CIMIP2A: variants seen among roughly 807,000 people sequenced by gnomAD.
CIMIP2A encodes the protein family with sequence similarity 166 member A.
At chr9:137,245,338 G>C in the CIMIP2A span, 3 of 1,600,786 alleles carry the variant, frequency 1.9e-6, no homozygotes, top group Non-Finnish European at 2.6e-6. Flanking sequence ...GCAAACAGGA[G>C]TGGCGCTCTT....
At chr9:137,254,477 T>C in the CIMIP2A span, among the ~76,000 whole-genome samples, 1 of 152,168 alleles carries the variant, frequency 6.6e-6, no homozygotes, top group Non-Finnish European at 1.5e-5. Context: ...GCAGGAAAGA[T>C]GGAGCGATCT....
the CIMIP2A span, among the ~76,000 whole-genome samples, chr9:137,249,789 C>T: frequency 6.6e-6 from 1 of 152,230 alleles, no homozygotes; most frequent in African/African-American, 2.4e-5. Context: ...TCTCTCTACG[C>T]TTCTTCATTG....
chr9:137,245,082 C>T, the CIMIP2A span: 2 of 1,610,642 alleles, frequency 1.2e-6, no homozygotes, highest in Non-Finnish European at 8.5e-7. Context: ...CCCAGGCCCA[C>T]ACCCACCTGA....
At chr9:137,252,648 C>T in the CIMIP2A span, 1 of 1,535,962 alleles carries the variant, frequency 6.5e-7, no homozygotes, top group South Asian at 1.2e-5. Flanking sequence ...AGCCCGTCTC[C>T]TACCCCCTCG....
At chr9:137,254,578 G>C in the CIMIP2A span, among the ~76,000 whole-genome samples, 4 of 152,244 alleles carry the variant, frequency 2.6e-5, no homozygotes, top group Non-Finnish European at 5.9e-5. Flanking sequence ...TGGGCAGCGG[G>C]AAAGAAATTT....
chr9:137,244,703 A>T, the CIMIP2A span: 1 of 1,613,562 alleles, frequency 6.2e-7, no homozygotes, highest in East Asian at 2.2e-5. Flanking sequence ...CAACCCCATT[A>T]CCCAGGTGAA....
At chr9:137,254,037 C>T in the CIMIP2A span, among the ~76,000 whole-genome samples, 1 of 152,218 alleles carries the variant, frequency 6.6e-6, no homozygotes, top group Non-Finnish European at 1.5e-5. Flanking sequence ...CATCACTGGC[C>T]TGCCCTCCTA....
chr9:137,254,415 C>A, the CIMIP2A span, among the ~76,000 whole-genome samples: 1 of 152,158 alleles, frequency 6.6e-6, no homozygotes, highest in Admixed American at 6.5e-5. Flanking sequence ...GCTCTGCTCA[C>A]GGCTGCACCA....
the CIMIP2A span, chr9:137,251,531 G>A: frequency 1.1e-6 from 1 of 944,594 alleles, no homozygotes; most frequent in Non-Finnish European, 1.6e-6. Context: ...TGTGGGGCAG[G>A]CGGCTGGGAG....
the CIMIP2A span, chr9:137,243,739 G>T: frequency 6.2e-7 from 1 of 1,614,012 alleles, no homozygotes; most frequent in Non-Finnish European, 8.5e-7. Flanking sequence ...CCTTCCAGTA[G>T]GCCCTCCGGG....
At chr9:137,245,200 C>T in the CIMIP2A span, 1 of 1,581,092 alleles carries the variant, frequency 6.3e-7, no homozygotes, top group Non-Finnish European at 8.6e-7. Context: ...GGGTACTCAT[C>T]CCTCTGGCAG....
chr9:137,244,226 G>C, the CIMIP2A span: 3 of 1,613,936 alleles, frequency 1.9e-6, no homozygotes, highest in East Asian at 6.7e-5. Flanking sequence ...AGATGTGGTT[G>C]CTGGGCCAGT....
chr9:137,245,141 C>T, the CIMIP2A span: 14 of 1,594,022 alleles, frequency 8.8e-6, no homozygotes, highest in African/African-American at 1.9e-4. Flanking sequence ...GCGGCAGCCG[C>T]TGGAAGCTGC....
the CIMIP2A span, chr9:137,253,521 G>T: frequency 7.0e-7 from 1 of 1,418,972 alleles, no homozygotes; most frequent in South Asian, 1.5e-5. Flanking sequence ...TCACCCGGGG[G>T]CGGTCCTAGA....
chr9:137,251,272 A>T, the CIMIP2A span: 2 of 1,560,716 alleles, frequency 1.3e-6, no homozygotes, highest in Non-Finnish European at 1.8e-6. Context: ...TGGGGAAGAG[A>T]GCCAGGAGAC....
the CIMIP2A span, chr9:137,245,251 A>G: frequency 6.3e-7 from 1 of 1,577,306 alleles, no homozygotes; most frequent in Non-Finnish European, 8.6e-7. Flanking sequence ...GTCACGGTGC[A>G]GCTCCCACCT....
At chr9:137,245,421 G>A in the CIMIP2A span, 4 of 1,613,906 alleles carry the variant, frequency 2.5e-6, no homozygotes, top group East Asian at 2.2e-5. Flanking sequence ...GGCACGGAGG[G>A]TGCGGGGTGT....
chr9:137,252,439 G>C, the CIMIP2A span: 1 of 1,610,124 alleles, frequency 6.2e-7, no homozygotes, highest in Non-Finnish European at 8.5e-7. Flanking sequence ...AACTACAGAG[G>C]GCGGTGGCCG....
At chr9:137,254,267 C>T in the CIMIP2A span, among the ~76,000 whole-genome samples, 1 of 152,248 alleles carries the variant, frequency 6.6e-6, no homozygotes, top group Non-Finnish European at 1.5e-5. Context: ...TGACCCTTGT[C>T]CTCCTCTGCC....
Sources: allele counts gnomAD v4.1 joint callset (sites outside exome capture counted in the v4.1 genomes callset), GRCh38; gene constraint gnomAD v4.1.1; transcripts MANE v1.5; gene names NCBI Gene and HGNC (gene_info 2026-07-23, HGNC 2026-07-21).